The following CMSS1 variants were observed in gnomAD, a reference collection of about 807,000 sequenced individuals.
CMSS1 encodes the protein protein CMSS1.
A neutral mutation model predicts 43.5 loss-of-function variants in CMSS1; 33 were observed. The ratio of observed to expected loss-of-function variants is 0.76; its 90% CI spans 0.57 to 1.01. CMSS1 has a LOEUF of 1.01. Among genes scored for constraint, CMSS1 ranks in the 50% least tolerant of loss-of-function variants. The pLI, the probability that CMSS1 is intolerant of heterozygous loss-of-function variation, is 0.00. For missense variants in CMSS1, 313 were observed against 326.4 expected (o/e 0.96, Z 0.32); for synonymous variants, 115 against 117.2 (o/e 0.98, Z 0.12).
intron 1 of CMSS1, among the ~76,000 whole-genome samples, chr3:99,987,706 C>T (rs1709386553): frequency 6.6e-6 from 1 of 152,094 alleles, no homozygotes; most frequent in Non-Finnish European, 1.5e-5. Context: ...AGCACAGTCC[C>T]AAGACCTCAG....
At chr3:100,035,151 T>G (rs2065085602) in intron 1 of CMSS1, among the ~76,000 whole-genome samples, 1 of 152,328 alleles carries the variant, frequency 6.6e-6, no homozygotes, top group Middle Eastern at 3.4e-3. Flanking sequence ...CTTTCTAGGA[T>G]TATTAGCAAT....
At chr3:99,819,757 C>CTTT (rs551286788) in intron 1 of CMSS1, among the ~76,000 whole-genome samples, 1 of 136,050 alleles carries the variant, frequency 7.4e-6, no homozygotes, top group Non-Finnish European at 1.6e-5. Context: ...TTTTTTTTTT[C>CTTT]TTTTTTTTTT....
At chr3:100,108,083 G>A (rs893661368) in intron 1 of CMSS1, among the ~76,000 whole-genome samples, 2 of 152,024 alleles carry the variant, frequency 1.3e-5, no homozygotes, top group Non-Finnish European at 1.5e-5. Context: ...TAGAGCACTG[G>A]TTCTTAACTT....
At chr3:99,937,771 A>G (rs6809988) in intron 1 of CMSS1, among the ~76,000 whole-genome samples, 111,801 of 152,158 alleles carry the variant, frequency 0.73, 41,790 homozygotes, top group African/African-American at 0.88. Flanking sequence ...ATTCATTTGC[A>G]AACCACTGGC....
In CMSS1 at chr3:99,991,993, C is replaced by CGT. The variant is rs1709535894; in HGVS notation, c.65-154979_65-154978dup. Among the ~76,000 whole-genome samples, 7 of 142,848 alleles carry CGT rather than the reference C, an allele frequency of 4.9e-5. No individual in the cohort carries two copies. In the South Asian group the frequency reaches 1.5e-3, roughly 31 times the overall value. 93.7% of individuals were successfully genotyped at this position (142,848 alleles called of 152,430 possible). On this transcript the variant is annotated intron_variant, in intron 1 of 9. Transcript: ENST00000421999. Reference sequence around the variant, plus strand: ...ATACACACATATATGTGTATATATACGTATATATATGTGTGTGTGTATATA... The same window carrying CGT: ...ATACACACATATATGTGTATATATACGTGTATATATATGTGTGTGTGTATATA...
chr3:100,173,457 C>T (rs1393660845), intron 8 of CMSS1, among the ~76,000 whole-genome samples: 7 of 152,196 alleles, frequency 4.6e-5, no homozygotes, highest in African/African-American at 4.8e-5. Flanking sequence ...AGTCTAGGCT[C>T]TCCTGGTTCT....
At chr3:100,094,603 G>A (rs994486450) in intron 1 of CMSS1, among the ~76,000 whole-genome samples, 2 of 148,794 alleles carry the variant, frequency 1.3e-5, no homozygotes, top group Admixed American at 1.3e-4. Context: ...TAAGGTGGTA[G>A]ACTTGAGTTC....
intron 1 of CMSS1, among the ~76,000 whole-genome samples, chr3:99,903,838 G>A (rs544540282): frequency 6.6e-6 from 1 of 152,138 alleles, no homozygotes; most frequent in South Asian, 2.1e-4. Flanking sequence ...TCTTATTTCT[G>A]AGGCAGAAAT....
intron 1 of CMSS1, among the ~76,000 whole-genome samples, chr3:100,015,179 C>T (rs1710305510): frequency 6.6e-6 from 1 of 151,716 alleles, no homozygotes; most frequent in Non-Finnish European, 1.5e-5. Context: ...TTTTTGGTAC[C>T]TTCGTTGTAG....
rs1042637839 is a variant in CMSS1, at chr3:100,165,601, G to A, written c.356-734G>A. 2.0e-5 allele frequency among the ~76,000 whole-genome samples: 3 copies of A among 151,938 alleles called. No homozygotes were observed. The East Asian group carries it at 5.8e-4, about 29-fold the overall frequency. ...CATATCTAGTTCATTGCTTCTAAAT[G>A]CCACATAATATTCCAGCGTTTCCAT... On this transcript the variant is annotated intron_variant, in intron 4 of 9. Coordinates refer to ENST00000421999, the MANE Select transcript of CMSS1 (RefSeq NM_032359.4).
At chr3:99,856,473 C>T (rs1943972024) in intron 1 of CMSS1, among the ~76,000 whole-genome samples, 3 of 152,184 alleles carry the variant, frequency 2.0e-5, no homozygotes, top group Admixed American at 2.0e-4. Context: ...TAGGAACATT[C>T]AGTGAATCCG....
At chr3:100,080,367 A>G (rs1014979744) in intron 1 of CMSS1, among the ~76,000 whole-genome samples, 3 of 152,192 alleles carry the variant, frequency 2.0e-5, no homozygotes, top group African/African-American at 7.2e-5. Context: ...CTCCCTGAAC[A>G]AACTATCCCT....
At position 100,063,394 on chromosome 3, in the gene CMSS1, ATTC is replaced by A. The variant is rs1255349934; in HGVS notation, c.65-83573_65-83571del. Among the ~76,000 whole-genome samples, 41 of 152,302 alleles carry A rather than the reference ATTC, an allele frequency of 2.7e-4. No individual in the cohort carries two copies. The East Asian group carries it at 5.2e-3, about 19-fold the overall frequency. On this transcript the variant is annotated intron_variant, in intron 1 of 9. Coordinates refer to ENST00000421999, the MANE Select transcript of CMSS1 (RefSeq NM_032359.4). ...TATTACTATATATCTGAATTATTGTATTCTTCTTGGTGTAATTATTATTATAGT... is the reference window on the plus strand; with the variant it reads ...TATTACTATATATCTGAATTATTGTATTCTTGGTGTAATTATTATTATAGT...
chr3:99,957,693 C>CTTTTTTTTTTTTTTTTTTTTTTTTTT (rs779350496), intron 1 of CMSS1, among the ~76,000 whole-genome samples: 375 of 19,898 alleles, frequency 0.019, 118 homozygotes, highest in Non-Finnish European at 0.025. Context: ...TTCTTTCTTT[C>CTTTTTTTTTTTTTTTTTTTTTTTTTT]TTTTTTTTTT....
chr3:100,175,022 T>A (rs1282837668), intron 8 of CMSS1, among the ~76,000 whole-genome samples: 1 of 152,240 alleles, frequency 6.6e-6, no homozygotes, highest in Non-Finnish European at 1.5e-5. Flanking sequence ...CCTTTTTCAC[T>A]TGCTATATCT....
chr3:99,876,923 A>G (rs1163628457), intron 1 of CMSS1, among the ~76,000 whole-genome samples: 4 of 152,236 alleles, frequency 2.6e-5, no homozygotes, highest in African/African-American at 9.6e-5. Flanking sequence ...ACAATGTATA[A>G]AATTAGAACT....
At chr3:99,936,278 T>C (rs963496770) in intron 1 of CMSS1, among the ~76,000 whole-genome samples, 3 of 151,660 alleles carry the variant, frequency 2.0e-5, no homozygotes, top group Non-Finnish European at 4.4e-5. Context: ...AGCTAACATG[T>C]ATTCATTACT....
chr3:100,076,342 G>A (rs918780351), intron 1 of CMSS1, among the ~76,000 whole-genome samples: 1 of 152,102 alleles, frequency 6.6e-6, no homozygotes, highest in African/African-American at 2.4e-5. Flanking sequence ...TAAAGCCAAA[G>A]TCCAGGTGCT....
intron 1 of CMSS1, among the ~76,000 whole-genome samples, chr3:99,960,206 G>A (rs997273355): frequency 3.3e-5 from 5 of 152,098 alleles, no homozygotes; most frequent in Non-Finnish European, 5.9e-5. Flanking sequence ...TCTTGGAAAC[G>A]GCAGTTTCTG....
Sources: allele counts gnomAD v4.1 joint callset (sites outside exome capture counted in the v4.1 genomes callset), GRCh38; gene constraint gnomAD v4.1.1; transcripts MANE v1.5; gene names NCBI Gene and HGNC (gene_info 2026-07-23, HGNC 2026-07-21).